The following MRTFA variants were observed in gnomAD, a reference collection of about 807,000 sequenced individuals.
MRTFA encodes myocardin-related transcription factor A.
Under a neutral mutation model 83.5 loss-of-function variants are expected in MRTFA, and 20 were observed. The observed-to-expected ratio is 0.24, with a 90% CI of 0.17 to 0.35. The LOEUF is 0.35. Ranked by LOEUF, MRTFA falls within the 10% of genes least tolerant of loss-of-function variation. MRTFA has a pLI of 1.00. For missense variants in MRTFA, 1,200 were observed against 1,224.7 expected (o/e 0.98, Z 0.30); for synonymous variants, 659 against 541.2 (o/e 1.22, Z -3.02).
intron 2 of MRTFA, among the ~76,000 whole-genome samples, chr22:40,554,394 G>A (rs1240972110): frequency 6.6e-6 from 1 of 152,184 alleles, no homozygotes; most frequent in African/African-American, 2.4e-5. Context: ...CCCAGTGGGA[G>A]GTAATTGAAT....
At chr22:40,421,212 A>G in intron 9 of MRTFA, 112 bp from the exon 10 acceptor site, 8 of 1,266,466 alleles carry the variant, frequency 6.3e-6, no homozygotes, top group Non-Finnish European at 7.5e-6. Flanking sequence ...CCCCATCCAC[A>G]CTTTGCCCAT....
intron 2 of MRTFA, among the ~76,000 whole-genome samples, chr22:40,566,675 TACAA>T (rs1246353694): frequency 6.6e-6 from 1 of 151,974 alleles, no homozygotes; most frequent in East Asian, 1.9e-4. Flanking sequence ...CTAGTAAAAA[TACAA>T]ACAATTAGCG....
At chr22:40,497,415 G>A (rs2054374077) in intron 3 of MRTFA, among the ~76,000 whole-genome samples, 1 of 152,144 alleles carries the variant, frequency 6.6e-6, no homozygotes, top group Admixed American at 6.6e-5. Flanking sequence ...AAACAAGGAG[G>A]GACAAAGACA....
At chr22:40,414,194 T>A (rs373142943) in intron 14 of MRTFA, among the ~76,000 whole-genome samples, 3 of 152,126 alleles carry the variant, frequency 2.0e-5, no homozygotes, top group Middle Eastern at 3.4e-3. Context: ...ACACAAAAAA[T>A]TGGCCGGGCG....
chr22:40,624,581 A>G (rs1054505400), intron 1 of MRTFA, among the ~76,000 whole-genome samples: 4 of 152,148 alleles, frequency 2.6e-5, no homozygotes, highest in Non-Finnish European at 4.4e-5. Flanking sequence ...TACCCAGAAG[A>G]GGCAGGGTGG....
rs145826817 is a variant in MRTFA, at chr22:40,453,205, C to A, written c.307+10016G>T. Among the ~76,000 whole-genome samples, 17 of 152,334 alleles carry A rather than the reference C, an allele frequency of 1.1e-4. No individual in the cohort carries two copies. In the East Asian group the frequency reaches 3.3e-3, roughly 29 times the overall value. ...AAACATGTTTCACTGTGATGTTTATCAAATGCAACTTAAACTAGGGATTCA... is the reference window on the plus strand; with the variant it reads ...AAACATGTTTCACTGTGATGTTTATAAAATGCAACTTAAACTAGGGATTCA... On this transcript the variant is annotated intron_variant, in intron 4 of 14. Coordinates refer to ENST00000355630, the MANE Select transcript of MRTFA (RefSeq NM_020831.6).
chr22:40,628,467 G>A (rs889121470), intron 1 of MRTFA, among the ~76,000 whole-genome samples: 1 of 152,086 alleles, frequency 6.6e-6, no homozygotes, highest in Non-Finnish European at 1.5e-5. Context: ...AGAGGACAAA[G>A]ACCTGTAAAT....
chr22:40,607,012 G>C (rs569621999), intron 1 of MRTFA, among the ~76,000 whole-genome samples: 14 of 152,266 alleles, frequency 9.2e-5, no homozygotes, highest in African/African-American at 2.6e-4. Context: ...ATAAAATCAA[G>C]TAAGATAGCA....
In MRTFA at chr22:40,435,488, AG is replaced by A. The variant is rs2053150695; in HGVS notation, c.363+10del. On this transcript the variant is annotated intron_variant, in intron 5 of 14. Coordinates refer to ENST00000355630, the MANE Select transcript of MRTFA (RefSeq NM_020831.6). ...CTTTGGGAGTTCTGAGGGGGAAAAA[AG>A]GTACCTTACCCTGGCCCGCTCCAAG... The A allele has an allele frequency of 6.2e-7, 1 of 1,614,052 alleles. No homozygotes were observed. Among genetic ancestry groups the A allele is most frequent in the Non-Finnish European group, 8.5e-7 (1 of 1,179,884 alleles).
chr22:40,435,110 G>A (rs1036234328), intron 5 of MRTFA, among the ~76,000 whole-genome samples: 2 of 152,176 alleles, frequency 1.3e-5, no homozygotes, highest in Non-Finnish European at 2.9e-5. Flanking sequence ...CCGGACTTGG[G>A]AAGCTTTTCC....
At chr22:40,549,907 T>C (rs1039336763) in intron 3 of MRTFA, among the ~76,000 whole-genome samples, 2 of 151,918 alleles carry the variant, frequency 1.3e-5, no homozygotes, top group African/African-American at 2.4e-5. Context: ...AAATTAGCCA[T>C]TCATGGTGGC....
At chr22:40,487,131 T>C (rs1162078999) in intron 3 of MRTFA, among the ~76,000 whole-genome samples, 1 of 152,222 alleles carries the variant, frequency 6.6e-6, no homozygotes, top group African/African-American at 2.4e-5. Flanking sequence ...AAGGACAGGA[T>C]ATATGTTAAC....
chr22:40,485,866 T>G (rs186704497), intron 3 of MRTFA, among the ~76,000 whole-genome samples: 1 of 152,270 alleles, frequency 6.6e-6, no homozygotes, highest in Admixed American at 6.5e-5. Context: ...GACTCAGAGA[T>G]TAACGTAGTC....
chr22:40,498,441 G>A (rs1960887859), intron 3 of MRTFA, among the ~76,000 whole-genome samples: 2 of 149,862 alleles, frequency 1.3e-5, no homozygotes, highest in Admixed American at 6.7e-5. Flanking sequence ...AAGCTACCAT[G>A]CCCAGCTGAT....
At chr22:40,472,945 C>T (rs2053939487) in intron 3 of MRTFA, among the ~76,000 whole-genome samples, 2 of 152,146 alleles carry the variant, frequency 1.3e-5, no homozygotes, top group South Asian at 4.1e-4. Context: ...CATTTTCCAA[C>T]ATACTTCTTC....
rs1569333186 is a variant in MRTFA, at chr22:40,569,772, CATA to C, written c.-21-17408_-21-17406del. On this transcript the variant is annotated intron_variant, in intron 2 of 14. Transcript: ENST00000355630. ...ACATACATACATACATACATACATACATACATCAAGGGGGTGATGTCTCTGTTT... is the reference window on the plus strand; with the variant it reads ...ACATACATACATACATACATACATACCATCAAGGGGGTGATGTCTCTGTTT... 5.8e-3 allele frequency: 645 copies of C among 111,340 alleles called. 3 individuals carry two copies. Among genetic ancestry groups the C allele is most frequent in the East Asian group, 0.011 (47 of 4,238 alleles). 6.9% of individuals were successfully genotyped at this position (111,340 alleles called of 1,614,324 possible).
At chr22:40,481,351 A>G (rs888603106) in intron 3 of MRTFA, among the ~76,000 whole-genome samples, 1 of 152,170 alleles carries the variant, frequency 6.6e-6, no homozygotes, top group African/African-American at 2.4e-5. Context: ...TCATTCATTT[A>G]TTGAACTAAT....
At chr22:40,451,435 G>A (rs921453201) in intron 4 of MRTFA, among the ~76,000 whole-genome samples, 3 of 152,114 alleles carry the variant, frequency 2.0e-5, no homozygotes, top group Non-Finnish European at 4.4e-5. Context: ...TGGTATGCAC[G>A]CTTGCCACCA....
chr22:40,432,448 T>G (rs1259792788), intron 5 of MRTFA, among the ~76,000 whole-genome samples: 1 of 151,996 alleles, frequency 6.6e-6, no homozygotes, highest in African/African-American at 2.4e-5. Context: ...ACTAAACCAG[T>G]CCCTCAACAG....
Sources: gnomAD v4.1 joint callset for allele counts (sites outside exome capture counted in the v4.1 genomes callset) on GRCh38, gnomAD v4.1.1 for gene constraint, MANE v1.5 for transcripts, NCBI Gene and HGNC (gene_info 2026-07-23, HGNC 2026-07-21) for gene names.